The following CDK5RAP1 variants were observed in gnomAD, a reference collection of about 807,000 sequenced individuals.
CDK5RAP1 encodes the protein mitochondrial tRNA methylthiotransferase CDK5RAP1.
CDK5RAP1 carries 62 observed loss-of-function variants against 64.5 expected under a neutral mutation model. The ratio of observed to expected loss-of-function variants is 0.96; its 90% CI spans 0.78 to 1.19. The LOEUF is 1.19. CDK5RAP1 is among the 50% of genes most tolerant of loss of function. CDK5RAP1 has a pLI of 0.00. For synonymous variants in CDK5RAP1, 250 were observed against 261.9 expected (o/e 0.95, Z 0.44); for missense variants, 657 against 735.0 (o/e 0.89, Z 1.23).
At chr20:33,392,340 C>T (rs1187123554) in intron 4 of CDK5RAP1, 98 bp from the exon 5 acceptor site, 2 of 606,110 alleles carry the variant, frequency 3.3e-6, no homozygotes, top group East Asian at 2.8e-5. Context: ...CACCTTCAAC[C>T]CTTTAAATCA....
chr20:33,366,020 A>G (rs1199782262), intron 12 of CDK5RAP1, among the ~76,000 whole-genome samples: 2 of 152,218 alleles, frequency 1.3e-5, no homozygotes, highest in Admixed American at 6.5e-5. Context: ...TGTTGGATGA[A>G]TAAGAAAGAG....
intron 6 of CDK5RAP1, 78 bp from the exon 7 acceptor site, chr20:33,385,848 A>G (rs1349667246): frequency 3.7e-6 from 5 of 1,364,708 alleles, no homozygotes; most frequent in Non-Finnish European, 5.0e-6. Context: ...CTCAGCTTCA[A>G]TAGCATTATT....
intron 8 of CDK5RAP1, among the ~76,000 whole-genome samples, chr20:33,377,277 C>T (rs1986132713): frequency 6.6e-6 from 1 of 152,226 alleles, no homozygotes; most frequent in Non-Finnish European, 1.5e-5. Context: ...ATGACATCTT[C>T]TTCCAACAGA....
chr20:33,385,716 G>A lies in CDK5RAP1; in HGVS notation c.810C>T (p.Thr270=), dbSNP rs780416875. ...NMCSYCIVPF[T]RGRERSRPIA... The stretch of plus-strand genomic sequence containing the variant: ...TAGGCCGACTCCTCTCCCTGCCCCG[G>A]GTGAAAGGAACAATGCAGTAGCTAC... The change falls in exon 7 of 14, where the codon ACC becomes ACT. Residue 270 remains threonine (T), a synonymous_variant. Transcript: ENST00000346416. 2.5e-6 allele frequency: 4 copies of A among 1,613,944 alleles called. No homozygotes were observed. Among genetic ancestry groups the A allele is most frequent in the Non-Finnish European group, 3.4e-6 (4 of 1,179,848 alleles).
At chr20:33,359,262 T>C (rs1982461081) in intron 13 of CDK5RAP1, 139 bp from the exon 14 acceptor site, 1 of 635,762 alleles carries the variant, frequency 1.6e-6, no homozygotes, top group South Asian at 1.9e-5. Context: ...GGCTCCTGTG[T>C]GCCCCCGATC....
intron 2 of CDK5RAP1, among the ~76,000 whole-genome samples, chr20:33,396,558 C>G (rs1360719311): frequency 6.6e-6 from 1 of 152,100 alleles, no homozygotes; most frequent in Non-Finnish European, 1.5e-5. Flanking sequence ...TCTTGGCCTC[C>G]CAAAGTGCTG....
chr20:33,384,067 G>T (rs1301690674), intron 7 of CDK5RAP1, among the ~76,000 whole-genome samples: 2 of 151,910 alleles, frequency 1.3e-5, no homozygotes, highest in African/African-American at 4.8e-5. Flanking sequence ...TTATTTAGAA[G>T]ACTTCCAATA....
intron 8 of CDK5RAP1, among the ~76,000 whole-genome samples, chr20:33,376,792 T>G (rs1330289054): frequency 6.6e-6 from 1 of 152,160 alleles, no homozygotes. Context: ...ACTGAAAACA[T>G]TCCGGAAAGA....
rs146536380 is a variant in CDK5RAP1 at position 33,400,672 on chromosome 20, G to A, written c.-21+756C>T. ...TCCACTAAAAATACAAAACTTAGCCGGGTGTGGTGGTATGCGCCTGTAATC... is the reference window on the plus strand; with the variant it reads ...TCCACTAAAAATACAAAACTTAGCCAGGTGTGGTGGTATGCGCCTGTAATC... On this transcript the variant is annotated intron_variant, in intron 1 of 13. Coordinates refer to ENST00000346416, the MANE Select transcript of CDK5RAP1 (RefSeq NM_016408.4). Among the ~76,000 whole-genome samples, 48 of 152,202 alleles carry A rather than the reference G, an allele frequency of 3.2e-4. 1 individual carries two copies. The highest frequency in any genetic ancestry group is 1.1e-3 in the African/African-American group (46 of 41,520).
intron 7 of CDK5RAP1, 21 bp downstream of exon 7, chr20:33,385,629 A>G (rs375341568): frequency 1.2e-6 from 2 of 1,613,070 alleles, no homozygotes; most frequent in African/African-American, 2.7e-5. Context: ...TCACAGCAAG[A>G]AAGCCTGGAG....
At chr20:33,393,860 G>A (rs1186789818) in intron 4 of CDK5RAP1, among the ~76,000 whole-genome samples, 172 bp downstream of exon 4, 1 of 152,154 alleles carries the variant, frequency 6.6e-6, no homozygotes, top group African/African-American at 2.4e-5. Flanking sequence ...CACGGTACAT[G>A]CCCAGCCAAT....
intron 5 of CDK5RAP1, among the ~76,000 whole-genome samples, chr20:33,388,785 TGACTGGTTTTCGTATTTTTTTGGTGGA>T (rs1251026471): frequency 6.6e-6 from 1 of 152,088 alleles, no homozygotes; most frequent in Non-Finnish European, 1.5e-5. Flanking sequence ...CCGCCACGCC[TGACTGGTTTTCGTATTTTTTTGGTGGA>T]GACTGGGTTT....
chr20:33,366,951 G>A lies in CDK5RAP1; in HGVS notation c.1450C>T (p.Arg484Cys), dbSNP rs368231533. The A allele has an allele frequency of 4.2e-5, 68 of 1,612,774 alleles. No individual in the cohort carries two copies. Among genetic ancestry groups the A allele is most frequent in the South Asian group, 1.9e-4 (17 of 91,058 alleles). ...AAGATAGTGATGAGTTCCTCCAAAC[G>A]CCTTAATTTTACCTCTTCCGGGACA... is the stretch of plus-strand genomic sequence containing the variant. Reference protein sequence around the residue: ...DDVPEEVKLRRLEELITIFRE... With the variant: ...DDVPEEVKLRCLEELITIFRE... Residue 484 changes from arginine to cysteine, a missense_variant, in exon 12 of 14, where the codon CGT (arginine) becomes TGT (cysteine). By Grantham distance (180) the Arg-to-Cys change is radical. Coordinates refer to ENST00000346416, the MANE Select transcript of CDK5RAP1 (RefSeq NM_016408.4).
At chr20:33,363,757 G>A (rs1983364777) in intron 12 of CDK5RAP1, among the ~76,000 whole-genome samples, 1 of 152,078 alleles carries the variant, frequency 6.6e-6, no homozygotes, top group African/African-American at 2.4e-5. Flanking sequence ...ACATTAGCCA[G>A]GCGTGGTTGT....
chr20:33,393,894 T>C, intron 4 of CDK5RAP1, 138 bp downstream of exon 4: 1 of 695,224 alleles, frequency 1.4e-6, no homozygotes, highest in Non-Finnish European at 2.7e-6. Flanking sequence ...ATAAAGACTA[T>C]CTCCACTGTG....
intron 6 of CDK5RAP1, among the ~76,000 whole-genome samples, chr20:33,386,654 T>G (rs1987465713): frequency 6.6e-6 from 1 of 152,094 alleles, no homozygotes; most frequent in South Asian, 2.1e-4. Flanking sequence ...ATTACGGCTA[T>G]GTATCAAAGA....
chr20:33,399,266 T>G (rs1989177164), intron 1 of CDK5RAP1, among the ~76,000 whole-genome samples: 2 of 152,074 alleles, frequency 1.3e-5, no homozygotes, highest in South Asian at 4.2e-4. Context: ...CATGCCACAC[T>G]TCTTTGTATT....
chr20:33,365,519 G>C (rs535718523), intron 12 of CDK5RAP1, among the ~76,000 whole-genome samples: 19 of 137,844 alleles, frequency 1.4e-4, no homozygotes, highest in African/African-American at 5.2e-4. Flanking sequence ...TGATCTACCC[G>C]CCTCGGCCCC....
chr20:33,365,597 TAAAAA>T (rs11471267), intron 12 of CDK5RAP1, among the ~76,000 whole-genome samples: 5 of 78,368 alleles, frequency 6.4e-5, no homozygotes, highest in African/African-American at 1.9e-4. Flanking sequence ...CTCTATAATG[TAAAAA>T]AAAAAAAAAA....
Sources: gnomAD v4.1 joint callset for allele counts (sites outside exome capture counted in the v4.1 genomes callset) on GRCh38, gnomAD v4.1.1 for gene constraint, MANE v1.5 for transcripts, NCBI Gene and HGNC (gene_info 2026-07-23, HGNC 2026-07-21) for gene names.